Variants in BANP observed in about 807,000 individuals in gnomAD.
BANP encodes the protein protein BANP.
In BANP, 11 loss-of-function variants were observed where a neutral mutation model predicts 68.1. The ratio of observed to expected loss-of-function variants is 0.16; its 90% CI spans 0.10 to 0.27. The LOEUF (loss-of-function observed/expected upper bound fraction) is 0.27, where lower values mean the gene tolerates loss of function less well. BANP is among the 10% of genes least tolerant of loss of function. The probability of loss-of-function intolerance (pLI) is 1.00; values close to 1 mark genes in which losing one functional copy is unlikely to be tolerated. For missense variants in BANP, 504 were observed against 722.7 expected (o/e 0.70, Z 3.47); for synonymous variants, 329 against 303.2 (o/e 1.09, Z -0.88).
intron 1 of BANP, among the ~76,000 whole-genome samples, chr16:87,971,872 A>T (rs997077039): frequency 6.6e-6 from 1 of 152,110 alleles, no homozygotes; most frequent in Non-Finnish European, 1.5e-5. Context: ...AGCTTGCCAC[A>T]GCCTTGCCCT....
At chr16:88,021,445 T>C (rs553508566) in intron 7 of BANP, among the ~76,000 whole-genome samples, 8 of 152,132 alleles carry the variant, frequency 5.3e-5, no homozygotes, top group Non-Finnish European at 8.8e-5. Context: ...CAGGGTGACT[T>C]TGCATGAGGA....
At chr16:87,977,239 C>G (rs781038624) in intron 2 of BANP, among the ~76,000 whole-genome samples, 1 of 152,122 alleles carries the variant, frequency 6.6e-6, no homozygotes, top group Non-Finnish European at 1.5e-5. Flanking sequence ...ACGGTGAAGT[C>G]TCTACTTAAA....
intron 1 of BANP, among the ~76,000 whole-genome samples, chr16:87,955,456 T>C (rs1263534072): frequency 1.3e-5 from 2 of 152,236 alleles, no homozygotes; most frequent in Admixed American, 1.3e-4. Context: ...CTTCCCCTGA[T>C]GTTGACGTCT....
chr16:87,999,128 A>G (rs1311086759), intron 4 of BANP, among the ~76,000 whole-genome samples: 1 of 143,920 alleles, frequency 6.9e-6, no homozygotes, highest in Non-Finnish European at 1.5e-5. Flanking sequence ...ACACGTCTCC[A>G]TGCATGCACG....
chr16:87,988,300 G>C (rs914124402), intron 4 of BANP, among the ~76,000 whole-genome samples: 34 of 152,272 alleles, frequency 2.2e-4, no homozygotes, highest in African/African-American at 7.0e-4. Flanking sequence ...GTCTCGCTCT[G>C]TTGCCCAGGC....
intron 7 of BANP, among the ~76,000 whole-genome samples, chr16:88,027,051 A>G (rs1187298487): frequency 6.6e-6 from 1 of 152,210 alleles, no homozygotes; most frequent in Admixed American, 6.5e-5. Context: ...TAGGCAGAGG[A>G]CCAGCGAGTT....
In BANP at chr16:88,057,344, A is replaced by T. The variant is rs2152853997; in HGVS notation, c.1312-7923A>T. Among the ~76,000 whole-genome samples the T allele has an allele frequency of 6.6e-6, 1 of 152,274 alleles. No individual in the cohort carries two copies. The highest frequency in any genetic ancestry group is 2.4e-5 in the African/African-American group (1 of 41,548). On this transcript the variant is annotated intron_variant, in intron 11 of 13. Coordinates refer to ENST00000682872, the MANE Select transcript of BANP (RefSeq NM_001386991.1). This position sits in a 1 kb window ranked among gnomAD's most constrained non-coding sequence, Gnocchi z 4.6. ...CCCAAGAATTATCTTCTGGAAGGCTACCAGAGTAGCTGCCTGCGAAAGGAA... is the reference window on the plus strand; with the variant it reads ...CCCAAGAATTATCTTCTGGAAGGCTTCCAGAGTAGCTGCCTGCGAAAGGAA...
At position 88,018,514 on chromosome 16, in the gene BANP, C is replaced by G. The variant is rs760779182; in HGVS notation, c.742C>G (p.His248Asp). The G allele has an allele frequency of 1.2e-6, 2 of 1,613,616 alleles. No homozygotes were observed. The highest frequency in any genetic ancestry group is 1.7e-6 in the Non-Finnish European group (2 of 1,180,028). Residue 248 changes from histidine (H) to aspartate (D), a missense_variant, in exon 7 of 14, where the codon CAC (histidine) becomes GAC (aspartate). Physicochemically the swap from His to Asp is moderately conservative, Grantham distance 81. Coordinates refer to ENST00000682872, the MANE Select transcript of BANP (RefSeq NM_001386991.1). This position sits in a 1 kb window ranked among gnomAD's most constrained non-coding sequence, Gnocchi z 7.7. ...RCAIIPSDMLHISTNCRTAEK... is the reference protein window; with the variant it reads ...RCAIIPSDMLDISTNCRTAEK... Reference sequence around the variant, plus strand: ...CGCCATCATCCCCTCCGACATGCTGCACATCAGCACCAACTGCCGCACGGC... The same window carrying G: ...CGCCATCATCCCCTCCGACATGCTGGACATCAGCACCAACTGCCGCACGGC...
rs545803678 is a variant in BANP, at chr16:88,064,684, A to C, written c.1312-583A>C. Among the ~76,000 whole-genome samples the C allele has an allele frequency of 1.3e-5, 2 of 152,338 alleles. No homozygotes were observed. The highest frequency in any genetic ancestry group is 4.8e-5 in the African/African-American group (2 of 41,596). On this transcript the variant is annotated intron_variant, in intron 11 of 13. Transcript: ENST00000682872. The surrounding 1 kb of genome is among the most constrained non-coding windows in gnomAD (Gnocchi z 4.5). ...AAAAACAACAACGCTTTTGCCAGAC[A>C]CAAGAGGCTCCTGTGGAGCTCTCAT...
chr16:88,040,395 G>A (rs1269815108), intron 11 of BANP, among the ~76,000 whole-genome samples: 7 of 152,162 alleles, frequency 4.6e-5, no homozygotes, highest in East Asian at 1.9e-4. Context: ...AAGCCCACTC[G>A]CCTCGATGTT....
chr16:88,053,494 A>G (rs2083906091), intron 11 of BANP, among the ~76,000 whole-genome samples: 1 of 144,204 alleles, frequency 6.9e-6, no homozygotes, highest in Non-Finnish European at 1.5e-5. Context: ...CACCACCTCT[A>G]CTGTCATCTC....
At chr16:88,031,779 C>G (rs1454536628) in intron 8 of BANP, among the ~76,000 whole-genome samples, 2 of 150,994 alleles carry the variant, frequency 1.3e-5, no homozygotes, top group Non-Finnish European at 2.9e-5. Flanking sequence ...GCTTTTCTCT[C>G]CCCTCCCCCG....
intron 13 of BANP, among the ~76,000 whole-genome samples, chr16:88,074,813 G>C (rs2091235873): frequency 6.6e-6 from 1 of 152,116 alleles, no homozygotes; most frequent in Non-Finnish European, 1.5e-5. Flanking sequence ...GGGCTCGCAG[G>C]AGACAGTCCT....
At chr16:88,024,292 A>G (rs1410078791) in intron 7 of BANP, among the ~76,000 whole-genome samples, 1 of 152,142 alleles carries the variant, frequency 6.6e-6, no homozygotes, top group Non-Finnish European at 1.5e-5. Flanking sequence ...GCTCACTCCT[A>G]ACTAGTAATT....
chr16:87,991,748 T>A (rs2065935672), intron 4 of BANP, among the ~76,000 whole-genome samples: 1 of 152,268 alleles, frequency 6.6e-6, no homozygotes. Context: ...ACCTTTATCC[T>A]GTGTCATTTC....
chr16:88,051,030 G>A (rs2083139888), intron 11 of BANP, among the ~76,000 whole-genome samples: 1 of 152,192 alleles, frequency 6.6e-6, no homozygotes, highest in Admixed American at 6.5e-5. Flanking sequence ...AGAGATCCCA[G>A]AACCCCGTAG....
chr16:87,993,349 C>A (rs1355103201), intron 4 of BANP, among the ~76,000 whole-genome samples: 1 of 152,226 alleles, frequency 6.6e-6, no homozygotes, highest in Non-Finnish European at 1.5e-5. Context: ...GTCACAGATA[C>A]TGTTGTCAGT....
At chr16:87,990,276 T>C (rs2065588767) in intron 4 of BANP, among the ~76,000 whole-genome samples, 1 of 152,234 alleles carries the variant, frequency 6.6e-6, no homozygotes, top group Non-Finnish European at 1.5e-5. Context: ...TTATAAACCA[T>C]AGGCTTCTGT....
intron 4 of BANP, among the ~76,000 whole-genome samples, chr16:87,984,957 C>A (rs570124706): frequency 1.3e-5 from 2 of 152,360 alleles, no homozygotes; most frequent in East Asian, 1.9e-4. Context: ...GAGCGCTACT[C>A]ACTTCAGGTT....
Sources: allele counts gnomAD v4.1 joint callset (sites outside exome capture counted in the v4.1 genomes callset), GRCh38; gene constraint gnomAD v4.1.1; non-coding constraint Gnocchi (gnomAD v3.1); transcripts MANE v1.5; gene names NCBI Gene and HGNC (gene_info 2026-07-23, HGNC 2026-07-21).